The following SMTN variants were observed in gnomAD, a reference collection of about 807,000 sequenced individuals.
The protein encoded by SMTN is smoothelin.
SMTN carries 58 observed loss-of-function variants against 102.0 expected under a neutral mutation model. The observed-to-expected ratio is 0.57, with a 90% CI of 0.46 to 0.71. SMTN has a LOEUF of 0.71. Ranked by LOEUF, SMTN falls within the 30% of genes least tolerant of loss-of-function variation. The pLI is 0.00. For synonymous variants in SMTN, 478 were observed against 497.9 expected, an observed-to-expected ratio of 0.96 and a Z score of 0.53; for missense variants, 1,185 against 1,241.7, an observed-to-expected ratio of 0.95 and a Z score of 0.69.
At chr22:31,100,729 C>T (rs772505865) in intron 19 of SMTN, among the ~76,000 whole-genome samples, 156 bp from the exon 20 acceptor site, 6 of 152,190 alleles carry the variant, frequency 3.9e-5, no homozygotes, top group Non-Finnish European at 8.8e-5. Flanking sequence ...GCACTGGAAT[C>T]GTAATTGAAC....
chr22:31,088,613 C>A lies in SMTN; in HGVS notation c.294+7C>A. On this transcript the variant is annotated splice_region_variant and intron_variant, in intron 4 of 20. Transcript: ENST00000333137. The stretch of plus-strand genomic sequence containing the variant: ...GGAGGAATTGACTGCACTGGTGAGG[C>A]CCAGGCTGGGGCAGGGGATGGGGGC... 1 of 1,613,614 alleles carries A rather than the reference C, an allele frequency of 6.2e-7. No individual in the cohort carries two copies. Among genetic ancestry groups the A allele is most frequent in the Non-Finnish European group, 8.5e-7 (1 of 1,179,602 alleles).
chr22:31,085,295 G>A (rs1280561214), intron 2 of SMTN: 4 of 1,490,960 alleles, frequency 2.7e-6, no homozygotes, highest in Non-Finnish European at 3.6e-6. Context: ...AGGCAGGGTG[G>A]GCGAGGCGAG....
At chr22:31,071,694 CT>C (rs2042007223) in intron 1 of SMTN, among the ~76,000 whole-genome samples, 1 of 136,796 alleles carries the variant, frequency 7.3e-6, no homozygotes, top group African/African-American at 3.1e-5. Flanking sequence ...CTCTCTCTCT[CT>C]CTTTTTTTTT....
chr22:31,068,467 A>T (rs2147462499), intron 1 of SMTN: 1 of 152,134 alleles, frequency 6.6e-6, no homozygotes, highest in Non-Finnish European at 1.5e-5. Context: ...TCTGAGCTTC[A>T]TTCCCTTGTT....
At chr22:31,075,991 TGGCTATTATTAGGCCCGGC>T (rs199969593) in intron 1 of SMTN, among the ~76,000 whole-genome samples, 2,764 of 152,284 alleles carry the variant, frequency 0.018, 42 homozygotes, top group Non-Finnish European at 0.027. Flanking sequence ...CCGTGCCATT[TGGCTATTATTAGGCCCGGC>T]GTCCTCATCT....
At chr22:31,091,993 C>A in intron 11 of SMTN, 146 bp downstream of exon 11, 1 of 756,738 alleles carries the variant, frequency 1.3e-6, no homozygotes, top group Non-Finnish European at 2.1e-6. Flanking sequence ...TGGCTGCTCA[C>A]AGACCACAGC....
intron 2 of SMTN, chr22:31,085,339 C>A (rs1239946413): frequency 7.0e-7 from 1 of 1,433,604 alleles, no homozygotes; most frequent in South Asian, 1.4e-5. Flanking sequence ...GGTCGCAGAA[C>A]CTGCGGGCCT....
chr22:31,094,532 G>T (rs1323956052), intron 11 of SMTN, among the ~76,000 whole-genome samples: 1 of 152,212 alleles, frequency 6.6e-6, no homozygotes, highest in Admixed American at 6.5e-5. Flanking sequence ...GGAGGGGGCT[G>T]GGAACAAAGC....
At chr22:31,090,932 G>A (rs777429693) in intron 9 of SMTN, 29 bp from the exon 10 acceptor site, 5 of 1,612,680 alleles carry the variant, frequency 3.1e-6, no homozygotes, top group Non-Finnish European at 4.2e-6. Flanking sequence ...GTCCCACCCA[G>A]TTGCTGACAG....
rs1602654827 is a variant in SMTN, at chr22:31,095,399, C to G, written c.1729C>G (p.Pro577Ala). Residue 577 changes from proline to alanine, a missense_variant, in exon 12 of 21, where the codon CCT becomes GCT. Physicochemically the swap from Pro to Ala is conservative, Grantham distance 27 (BLOSUM62 -1). Transcript: ENST00000333137. This position sits in a 1 kb window ranked among gnomAD's most constrained non-coding sequence, Gnocchi z 4.1. Reference protein sequence around the residue: ...RVNKAPEGRSPLSAEELMTIE... With the variant: ...RVNKAPEGRSALSAEELMTIE... ...GAACAAAGCACCAGAAGGGCGGAGC[C>G]CTCTGAGCGCTGAGGAGCTGATGAC... 1 of 1,614,238 alleles carries G rather than the reference C, an allele frequency of 6.2e-7. No individual in the cohort carries two copies. The highest frequency in any genetic ancestry group is 8.5e-7 in the Non-Finnish European group (1 of 1,180,042).
chr22:31,088,239 A>G, intron 3 of SMTN, 126 bp downstream of exon 3: 1 of 1,127,024 alleles, frequency 8.9e-7, no homozygotes, highest in Non-Finnish European at 1.2e-6. Flanking sequence ...CAGTACGTCC[A>G]CACACGCTTC....
intron 16 of SMTN, 152 bp from the exon 17 acceptor site, chr22:31,098,515 C>CG (rs1488205079): frequency 8.7e-6 from 6 of 686,574 alleles, no homozygotes; most frequent in Non-Finnish European, 1.5e-5. Context: ...CTCTAAAATG[C>CG]GTGTGATGAG....
chr22:31,065,279 G>T (rs1043470608), intron 1 of SMTN: 1 of 152,146 alleles, frequency 6.6e-6, no homozygotes, highest in African/African-American at 2.4e-5. Flanking sequence ...GTGTCCTTTT[G>T]TAATTAGTAA....
Position 31,091,739 on chromosome 22 carries a change from C to T in SMTN, c.1524C>T (p.Thr508=), listed in dbSNP as rs747824886. 2 of 1,612,828 alleles carry T rather than the reference C, an allele frequency of 1.2e-6. No individual in the cohort carries two copies. The highest frequency in any genetic ancestry group is 2.2e-5 in the East Asian group (1 of 44,840). ...GCACCAGTAGTGGGGGCAAGAGCAC[C>T]ATCACCCGTGTCAACAGCCCTGGGA... The part of the protein sequence containing the change: ...LLSTSSGGKS[T]ITRVNSPGTL... The change falls in exon 11 of 21, where the codon ACC becomes ACT. Residue 508 remains threonine (T), a synonymous_variant. Coordinates refer to ENST00000333137, the MANE Select transcript of SMTN (RefSeq NM_134269.3).
intron 2 of SMTN, among the ~76,000 whole-genome samples, chr22:31,087,543 A>C (rs1241235202): frequency 1.3e-5 from 2 of 152,168 alleles, no homozygotes; most frequent in Non-Finnish European, 2.9e-5. Context: ...TCCCTTGCTC[A>C]GAGGGTGGAC....
At chr22:31,082,442 T>C in intron 1 of SMTN, 1 of 458,930 alleles carries the variant, frequency 2.2e-6, no homozygotes, top group Non-Finnish European at 4.5e-6. Flanking sequence ...TTTGATTACA[T>C]CCTTCTCTGC....
In SMTN at chr22:31,104,079, G is replaced by T. The variant is rs764954247; in HGVS notation, c.*21-237G>T. ...CCAGGACCTGCCTGACTGGGATGGG[G>T]CTCTCTTCTGCCATCTCCGCCTCCA... On this transcript the variant is annotated intron_variant, in intron 20 of 20. Transcript: ENST00000333137. 282 of 545,486 alleles carry T rather than the reference G, an allele frequency of 5.2e-4. 1 individual carries two copies. The highest frequency in any genetic ancestry group is 9.2e-4 in the Admixed American group (30 of 32,508). 33.8% of individuals were successfully genotyped at this position (545,486 alleles called of 1,614,324 possible). A position where few individuals can be genotyped will look rare whatever the true frequency, so the allele number is the denominator to read the frequency against.
intron 1 of SMTN, among the ~76,000 whole-genome samples, chr22:31,073,496 C>T (rs1290151496): frequency 6.6e-6 from 1 of 152,118 alleles, no homozygotes; most frequent in East Asian, 1.9e-4. Context: ...ATTCCCTTTC[C>T]ACATGCAGAG....
At chr22:31,075,383 C>T (rs764100022) in intron 1 of SMTN, among the ~76,000 whole-genome samples, 2 of 152,162 alleles carry the variant, frequency 1.3e-5, no homozygotes, top group Non-Finnish European at 1.5e-5. Context: ...TTCCATCCAT[C>T]AAAAGGGCTA....
Sources: allele counts gnomAD v4.1 joint callset (sites outside exome capture counted in the v4.1 genomes callset), GRCh38; gene constraint gnomAD v4.1.1; non-coding constraint Gnocchi (gnomAD v3.1); transcripts MANE v1.5; gene names NCBI Gene and HGNC (gene_info 2026-07-23, HGNC 2026-07-21).